Variants in TRRAP observed in about 807,000 individuals in gnomAD.
TRRAP encodes the protein transformation/transcription domain-associated protein.
TRRAP carries 41 observed loss-of-function variants against 438.8 expected under a neutral mutation model. The ratio of observed to expected loss-of-function variants is 0.09; its 90% confidence interval spans 0.07 to 0.12. TRRAP has a LOEUF of 0.12. Ranked by LOEUF, TRRAP falls within the 10% of genes least tolerant of loss-of-function variation. The pLI is 1.00. For synonymous variants in TRRAP, 1,994 were observed against 1,962.9 expected, an observed-to-expected ratio of 1.02 and a Z score of -0.42; for missense variants, 3,122 against 5,055.1, an observed-to-expected ratio of 0.62 and a Z score of 11.60.
At chr7:98,964,806 C>A in intron 48 of TRRAP, 31 bp downstream of exon 48, 2 of 1,600,442 alleles carry the variant, frequency 1.2e-6, no homozygotes, top group Non-Finnish European at 1.7e-6. Context: ...GGCCTTTCCT[C>A]AGACTCTGTT....
chr7:98,937,091 A>G (rs997880361), intron 28 of TRRAP, 65 bp from the exon 29 acceptor site: 2 of 1,522,970 alleles, frequency 1.3e-6, no homozygotes, highest in African/African-American at 2.8e-5. Context: ...ATAAATACAG[A>G]GAAGAAAATT....
chr7:98,976,403 A>G lies in TRRAP; in HGVS notation c.7960-80A>G, dbSNP rs1792658936. ...GGCTGTCACTCGAGCGAATTAGGAA[A>G]GGTATTCTTGCATCGAGAGAGACAG... On this transcript the variant is annotated intron_variant, in intron 54 of 72. Transcript: ENST00000456197. This position sits in a 1 kb window ranked among gnomAD's most constrained non-coding sequence, Gnocchi z 4.6. 1.9e-6 allele frequency: 3 copies of G among 1,571,756 alleles called. No individual in the cohort carries two copies. The highest frequency in any genetic ancestry group is 1.2e-5 in the South Asian group (1 of 86,010).
In TRRAP at chr7:98,992,232, G is replaced by A. The variant is rs558634680; in HGVS notation, c.9847+5G>A. The stretch of plus-strand genomic sequence containing the variant: ...AGCGGGAACGCTACAAGAGCGGTAC[G>A]TCTCGGGTGGGGCCGGTAGGCCAGG... On this transcript the variant is annotated splice_donor_5th_base_variant and intron_variant, in intron 65 of 72. Coordinates refer to ENST00000456197, the MANE Select transcript of TRRAP (RefSeq NM_001375524.1). The A allele has an allele frequency of 5.4e-5, 87 of 1,613,864 alleles. No homozygotes were observed. The East Asian group carries it at 1.8e-3, about 33-fold the overall frequency.
At chr7:98,887,752 TGCAATG>T in intron 3 of TRRAP, among the ~76,000 whole-genome samples, 1 of 105,570 alleles carries the variant, frequency 9.5e-6, no homozygotes, top group Admixed American at 1.0e-4. Context: ...AAAAAAAAAC[TGCAATG>T]GTTTTCTTTC....
At chr7:98,970,551 A>G (rs1792368159) in intron 52 of TRRAP, among the ~76,000 whole-genome samples, 1 of 151,214 alleles carries the variant, frequency 6.6e-6, no homozygotes, top group African/African-American at 2.4e-5. Flanking sequence ...AGGTATAAAA[A>G]CCTGTCTACC....
chr7:98,899,838 C>A, intron 10 of TRRAP, 71 bp downstream of exon 10: 3 of 1,523,590 alleles, frequency 2.0e-6, no homozygotes, highest in Non-Finnish European at 2.7e-6. Flanking sequence ...TGTTGTCATT[C>A]TTAAGACATG....
intron 31 of TRRAP, among the ~76,000 whole-genome samples, chr7:98,943,238 G>A (rs569845253): frequency 6.6e-6 from 1 of 152,132 alleles, no homozygotes; most frequent in South Asian, 2.1e-4. Flanking sequence ...TCTCCCCTTT[G>A]GTTCACTTTA....
intron 67 of TRRAP, chr7:98,999,343 G>A: frequency 2.1e-6 from 3 of 1,409,422 alleles, no homozygotes; most frequent in Non-Finnish European, 3.0e-6. Flanking sequence ...TCCTGGATCA[G>A]ACTTGACAGT....
chr7:98,882,785 C>T (rs1460475666), intron 3 of TRRAP, among the ~76,000 whole-genome samples: 1 of 151,592 alleles, frequency 6.6e-6, no homozygotes, highest in African/African-American at 2.4e-5. Context: ...CCGTAGCCTC[C>T]CAAGTAGTTG....
At chr7:98,945,864 T>C in intron 32 of TRRAP, 64 bp downstream of exon 32, 2 of 1,568,042 alleles carry the variant, frequency 1.3e-6, no homozygotes, top group Non-Finnish European at 1.7e-6. Flanking sequence ...TACCTTTTCT[T>C]TTCTTTTCTT....
At chr7:98,904,028 T>C (rs1315168751) in intron 12 of TRRAP, among the ~76,000 whole-genome samples, 3 of 152,106 alleles carry the variant, frequency 2.0e-5, no homozygotes, top group African/African-American at 7.2e-5. Flanking sequence ...CAGGCTGGTC[T>C]CGAACTCCTG....
chr7:98,940,397 C>T (rs948102853), intron 30 of TRRAP, among the ~76,000 whole-genome samples: 2 of 152,122 alleles, frequency 1.3e-5, no homozygotes, highest in Non-Finnish European at 2.9e-5. Flanking sequence ...GTCATGTTGG[C>T]CAGGCTGGTC....
intron 67 of TRRAP, among the ~76,000 whole-genome samples, chr7:99,000,534 C>T (rs1793870165): frequency 6.6e-6 from 1 of 152,252 alleles, no homozygotes; most frequent in Non-Finnish European, 1.5e-5. Flanking sequence ...TCTTCCAGGC[C>T]ACACTCTGCG....
intron 68 of TRRAP, 142 bp from the exon 69 acceptor site, chr7:99,004,989 A>T: frequency 2.7e-6 from 2 of 751,116 alleles, no homozygotes; most frequent in Non-Finnish European, 4.4e-6. Context: ...AGGGTGAGGC[A>T]GGGTACAAAT....
intron 30 of TRRAP, among the ~76,000 whole-genome samples, chr7:98,938,432 C>T (rs143384660): frequency 9.6e-4 from 146 of 152,290 alleles, no homozygotes; most frequent in Non-Finnish European, 1.8e-3. Context: ...CCCACCCTGT[C>T]CTCCAGCTAC....
chr7:98,915,920 C>A, intron 19 of TRRAP, 32 bp downstream of exon 19: 1 of 1,612,656 alleles, frequency 6.2e-7, no homozygotes, highest in South Asian at 1.1e-5. Flanking sequence ...GCCTTTTAGT[C>A]TTGTGTGTCA....
intron 6 of TRRAP, among the ~76,000 whole-genome samples, chr7:98,895,389 G>C (rs1289786881): frequency 1.3e-5 from 2 of 152,176 alleles, no homozygotes; most frequent in African/African-American, 4.8e-5. Context: ...AAGTGTTAAT[G>C]CTCCTGTGTT....
At position 99,012,063 on chromosome 7, in the gene TRRAP, T is replaced by C; in HGVS notation, c.11338-8T>C. Reference sequence around the variant, plus strand: ...AACACAAGTCGTCTCGTTCTCTCCCTCACGCAGGTGGATGGCATTCTGAAA... The same window carrying C: ...AACACAAGTCGTCTCGTTCTCTCCCCCACGCAGGTGGATGGCATTCTGAAA... On this transcript the variant is annotated splice_polypyrimidine_tract_variant and splice_region_variant and intron_variant, in intron 72 of 72. Transcript: ENST00000456197. The surrounding 1 kb of genome is among the most constrained non-coding windows in gnomAD (Gnocchi z 5.9). The C allele has an allele frequency of 6.2e-7, 1 of 1,612,294 alleles. No homozygotes were observed. The highest frequency in any genetic ancestry group is 1.1e-5 in the South Asian group (1 of 91,020).
Position 98,917,696 on chromosome 7 carries a change from G to C in TRRAP, c.2622+17G>C, listed in dbSNP as rs558221722. 2.5e-6 allele frequency: 4 copies of C among 1,608,234 alleles called. No homozygotes were observed. In the Admixed American group the frequency reaches 6.7e-5, roughly 27 times the overall value. ...CTCATGCAGGTAGGATTTTAGTGAGGTTGTTAGCTGGCTGCTTCCCTGGAA... is the reference window on the plus strand; with the variant it reads ...CTCATGCAGGTAGGATTTTAGTGAGCTTGTTAGCTGGCTGCTTCCCTGGAA... On this transcript the variant is annotated intron_variant, in intron 20 of 72. Transcript: ENST00000456197.
Sources: allele counts gnomAD v4.1 joint callset (sites outside exome capture counted in the v4.1 genomes callset), GRCh38; gene constraint gnomAD v4.1.1; non-coding constraint Gnocchi (gnomAD v3.1); transcripts MANE v1.5; gene names NCBI Gene and HGNC (gene_info 2026-07-23, HGNC 2026-07-21).